The following PPP1R1C variants were observed in gnomAD, a reference collection of about 807,000 sequenced individuals.
PPP1R1C encodes protein phosphatase 1 regulatory inhibitor subunit 1C.
Under a neutral mutation model 17.4 loss-of-function variants are expected in PPP1R1C, and 15 were observed. The ratio of observed to expected loss-of-function variants is 0.86; its 90% CI spans 0.58 to 1.33. PPP1R1C has a LOEUF of 1.33. Ranked by LOEUF, PPP1R1C falls within the 40% of genes most tolerant of loss-of-function variation. The probability of loss-of-function intolerance (pLI) is 0.00; values close to 1 mark genes in which losing one functional copy is unlikely to be tolerated. For synonymous variants in PPP1R1C, 35 were observed against 43.1 expected (o/e 0.81, Z 0.73); for missense variants, 143 against 130.0 (o/e 1.10, Z -0.48).
rs1200755895 is a variant in PPP1R1C, at chr2:181,986,241, C to T, written c.81+50C>T. ...ATTCCTGTACATAAGGTAATATGAA[C>T]ATGCATTCTGGTTATTAATTGAAAG... On this transcript the variant is annotated intron_variant, in intron 1 of 4. Transcript: ENST00000682840. The T allele has an allele frequency of 2.2e-6, 3 of 1,340,956 alleles. No homozygotes were observed. The East Asian group carries it at 6.9e-5, about 31-fold the overall frequency. 83.1% of individuals were successfully genotyped at this position (1,340,956 alleles called of 1,614,324 possible).
At chr2:182,054,771 C>T (rs1406130952) in intron 2 of PPP1R1C, among the ~76,000 whole-genome samples, 1 of 152,120 alleles carries the variant, frequency 6.6e-6, no homozygotes, top group East Asian at 1.9e-4. Context: ...AGTGACTGTC[C>T]TGCCTCAGCC....
intron 4 of PPP1R1C, among the ~76,000 whole-genome samples, chr2:182,096,198 A>G (rs772609174): frequency 3.9e-5 from 6 of 152,180 alleles, no homozygotes; most frequent in Non-Finnish European, 8.8e-5. Flanking sequence ...AAAGGGCTAT[A>G]ATTTAATGGT....
intron 2 of PPP1R1C, among the ~76,000 whole-genome samples, chr2:182,037,045 T>A (rs536841375): frequency 6.6e-6 from 1 of 152,202 alleles, no homozygotes; most frequent in Non-Finnish European, 1.5e-5. Flanking sequence ...CAGAACGGAT[T>A]GAGGCTTGAA....
At chr2:182,003,785 A>G (rs1214278033) in intron 2 of PPP1R1C, among the ~76,000 whole-genome samples, 2 of 152,120 alleles carry the variant, frequency 1.3e-5, no homozygotes, top group East Asian at 1.9e-4. Context: ...GGAATGCTCA[A>G]TAGCCTCCCA....
At chr2:182,110,671 C>T (rs1180020236) in intron 4 of PPP1R1C, among the ~76,000 whole-genome samples, 1 of 152,122 alleles carries the variant, frequency 6.6e-6, no homozygotes, top group Non-Finnish European at 1.5e-5. Context: ...GCTGTAAATG[C>T]AACTCTCCTT....
At chr2:182,064,136 GT>G in intron 4 of PPP1R1C, 1 of 262,820 alleles carries the variant, frequency 3.8e-6, no homozygotes, top group Non-Finnish European at 7.3e-6. Context: ...GATGATTACT[GT>G]TTTTCTCTTG....
At chr2:182,060,493 A>G (rs1230933162) in intron 2 of PPP1R1C, among the ~76,000 whole-genome samples, 1 of 152,154 alleles carries the variant, frequency 6.6e-6, no homozygotes, top group South Asian at 2.1e-4. Context: ...CAATCACCCC[A>G]GGATAACTAC....
At chr2:182,113,744 A>G (rs933285909) in intron 4 of PPP1R1C, among the ~76,000 whole-genome samples, 10 of 152,030 alleles carry the variant, frequency 6.6e-5, no homozygotes, top group Non-Finnish European at 1.3e-4. Context: ...TGCTTAGACC[A>G]TCATTCCAGC....
chr2:182,092,544 A>G (rs1688811286), intron 4 of PPP1R1C, among the ~76,000 whole-genome samples: 1 of 152,154 alleles, frequency 6.6e-6, no homozygotes, highest in Non-Finnish European at 1.5e-5. Flanking sequence ...CCACAGTCCA[A>G]ATTCTCATCT....
intron 2 of PPP1R1C, among the ~76,000 whole-genome samples, chr2:182,010,349 A>C (rs1333530746): frequency 2.0e-5 from 3 of 151,792 alleles, no homozygotes; most frequent in South Asian, 2.1e-4. Context: ...TCTTTAATTA[A>C]GTTTATTCCC....
At chr2:182,041,454 C>T (rs866134461) in intron 2 of PPP1R1C, among the ~76,000 whole-genome samples, 5 of 151,786 alleles carry the variant, frequency 3.3e-5, no homozygotes, top group Middle Eastern at 3.4e-3. Flanking sequence ...ACTAAAAATA[C>T]AAAAATTAGC....
At chr2:182,014,473 G>T (rs1686193768) in intron 2 of PPP1R1C, among the ~76,000 whole-genome samples, 1 of 151,750 alleles carries the variant, frequency 6.6e-6, no homozygotes, top group South Asian at 2.1e-4. Context: ...CCACCACTGG[G>T]ACTGCACTGG....
chr2:182,038,346 T>A (rs900347528), intron 2 of PPP1R1C, among the ~76,000 whole-genome samples: 1 of 152,210 alleles, frequency 6.6e-6, no homozygotes, highest in Non-Finnish European at 1.5e-5. Flanking sequence ...GCCTTATTCA[T>A]AATTTTTAAA....
rs111845849 is a variant in PPP1R1C, at chr2:181,994,852, C to T, written c.142+6953C>T. On this transcript the variant is annotated intron_variant, in intron 2 of 4. Coordinates refer to ENST00000682840, the MANE Select transcript of PPP1R1C (RefSeq NM_001080545.3). ...GGCATAGAGGCACTTATTTATTATG[C>T]TTCCTAGTCTATAAAGCATTTGCAT... 6.1e-4 allele frequency among the ~76,000 whole-genome samples: 93 copies of T among 152,286 alleles called. 2 individuals carry two copies. The highest frequency in any genetic ancestry group is 2.2e-3 in the African/African-American group (90 of 41,560).
intron 2 of PPP1R1C, among the ~76,000 whole-genome samples, chr2:182,033,474 T>C (rs1001864011): frequency 2.0e-5 from 3 of 152,194 alleles, no homozygotes; most frequent in African/African-American, 4.8e-5. Flanking sequence ...ATTTATGACT[T>C]CCTTTAACTT....
chr2:182,098,938 C>T (rs529953279), intron 4 of PPP1R1C, among the ~76,000 whole-genome samples: 1 of 152,300 alleles, frequency 6.6e-6, no homozygotes, highest in East Asian at 1.9e-4. Context: ...TTGAACGTTT[C>T]TTCTCAGGTA....
At chr2:182,050,639 C>G (rs529449722) in intron 2 of PPP1R1C, among the ~76,000 whole-genome samples, 2 of 152,284 alleles carry the variant, frequency 1.3e-5, no homozygotes, top group South Asian at 2.1e-4. Flanking sequence ...ATTTCACAGC[C>G]TTGCCTATTT....
chr2:182,025,047 CAA>C lies in PPP1R1C; in HGVS notation c.143-36393_143-36392del, dbSNP rs201438541. The stretch of plus-strand genomic sequence containing the variant: ...ACAACCACCCAATCTCTGCACATAA[CAA>C]AGTTGCACATGTACTGCATAAATTT... On this transcript the variant is annotated intron_variant, in intron 2 of 4. Transcript: ENST00000682840. 1.1e-3 allele frequency among the ~76,000 whole-genome samples: 164 copies of C among 149,760 alleles called. 1 individual carries two copies. In the East Asian group the frequency reaches 0.024, roughly 22 times the overall value.
In PPP1R1C at chr2:182,030,732, G is replaced by A. The variant is rs1686798593; in HGVS notation, c.143-30710G>A. Among the ~76,000 whole-genome samples the A allele has an allele frequency of 2.7e-5, 4 of 150,654 alleles. No individual in the cohort carries two copies. In the South Asian group the frequency reaches 6.4e-4, roughly 24 times the overall value. ...CAGGCAGGCCTCCTTGAGCTGTGGTGGGCTCCACACAGTTCGAGCTTCCCA... is the reference window on the plus strand; with the variant it reads ...CAGGCAGGCCTCCTTGAGCTGTGGTAGGCTCCACACAGTTCGAGCTTCCCA... On this transcript the variant is annotated intron_variant, in intron 2 of 4. Transcript: ENST00000682840.
Sources: allele counts gnomAD v4.1 joint callset (sites outside exome capture counted in the v4.1 genomes callset), GRCh38; gene constraint gnomAD v4.1.1; transcripts MANE v1.5; gene names NCBI Gene and HGNC (gene_info 2026-07-23, HGNC 2026-07-21).